CLIP2: variants seen among roughly 807,000 people sequenced by gnomAD.
CLIP2 encodes the protein CAP-Gly domain-containing linker protein 2.
A neutral mutation model predicts 111.7 loss-of-function variants in CLIP2; 41 were observed. The ratio of observed to expected loss-of-function variants is 0.37; its 90% confidence interval spans 0.29 to 0.48. CLIP2 has a LOEUF of 0.48. Ranked by LOEUF, CLIP2 falls within the 20% of genes least tolerant of loss-of-function variation. The pLI is 0.99. For missense variants in CLIP2, 1,160 were observed against 1,422.1 expected (o/e 0.82, Z 2.96); for synonymous variants, 660 against 644.2 (o/e 1.02, Z -0.37).
chr7:74,306,418 G>T (rs952946494), intron 1 of CLIP2, among the ~76,000 whole-genome samples: 1 of 152,126 alleles, frequency 6.6e-6, no homozygotes, highest in African/African-American at 2.4e-5. Context: ...CTGCCCCTCC[G>T]GGAGAGAGCC....
chr7:74,340,440 C>T (rs1789626934), intron 3 of CLIP2, among the ~76,000 whole-genome samples: 1 of 152,130 alleles, frequency 6.6e-6, no homozygotes, highest in Non-Finnish European at 1.5e-5. Context: ...TAACCCCTTG[C>T]CCAGGGCCAG....
chr7:74,366,953 T>TGCCG (rs1466736242), intron 8 of CLIP2, among the ~76,000 whole-genome samples: 1 of 151,646 alleles, frequency 6.6e-6, no homozygotes, highest in Non-Finnish European at 1.5e-5. Flanking sequence ...CCAGGAGGAT[T>TGCCG]GCCGGCAGCC....
At chr7:74,372,799 C>A (rs1358919491) in intron 8 of CLIP2, 133 bp from the exon 9 acceptor site, 13 of 655,570 alleles carry the variant, frequency 2.0e-5, no homozygotes, top group Non-Finnish European at 3.5e-5. Context: ...ACTCTCCTCG[C>A]CTTGTTCACG....
intron 8 of CLIP2, among the ~76,000 whole-genome samples, chr7:74,369,632 G>A (rs982716388): frequency 6.6e-6 from 1 of 151,876 alleles, no homozygotes; most frequent in Non-Finnish European, 1.5e-5. Flanking sequence ...CAAGGCCAGC[G>A]GATCATTCGA....
At chr7:74,386,992 C>T (rs1791126034) in intron 12 of CLIP2, among the ~76,000 whole-genome samples, 2 of 145,806 alleles carry the variant, frequency 1.4e-5, no homozygotes, top group South Asian at 4.4e-4. Flanking sequence ...CACTGCACTC[C>T]AGCCTGGGTG....
chr7:74,323,363 C>A (rs1256081945), intron 2 of CLIP2, among the ~76,000 whole-genome samples: 1 of 151,680 alleles, frequency 6.6e-6, no homozygotes. Flanking sequence ...CCTCCCACCT[C>A]AGCCTACCAA....
chr7:74,302,834 GC>G (rs1788375591), intron 1 of CLIP2, among the ~76,000 whole-genome samples: 1 of 152,188 alleles, frequency 6.6e-6, no homozygotes, highest in South Asian at 2.1e-4. Context: ...CTATCCCCAC[GC>G]TGGCTGTCAG....
rs1164044017 is a variant in CLIP2, at chr7:74,311,867, G to A, written c.-67-5613G>A. On this transcript the variant is annotated intron_variant, in intron 1 of 16. Coordinates refer to ENST00000223398, the MANE Select transcript of CLIP2 (RefSeq NM_003388.5). ...TTGGAGGCTGCAGTGAGCTATGATCGTGTCACTGCACTCCAGCCTGGGCGA... is the reference window on the plus strand; with the variant it reads ...TTGGAGGCTGCAGTGAGCTATGATCATGTCACTGCACTCCAGCCTGGGCGA... 1.7e-4 allele frequency among the ~76,000 whole-genome samples: 26 copies of A among 150,686 alleles called. 1 individual carries two copies. Among genetic ancestry groups the A allele is most frequent in the Middle Eastern group, 6.9e-3 (2 of 290 alleles).
At chr7:74,339,183 A>G (rs1789579688) in intron 3 of CLIP2, among the ~76,000 whole-genome samples, 179 bp downstream of exon 3, 2 of 152,202 alleles carry the variant, frequency 1.3e-5, no homozygotes, top group Non-Finnish European at 2.9e-5. Context: ...CAAGAGAGAC[A>G]GGTAATGTGG....
intron 2 of CLIP2, among the ~76,000 whole-genome samples, chr7:74,332,489 G>A (rs530595632): frequency 7.1e-6 from 1 of 140,868 alleles, no homozygotes; most frequent in Non-Finnish European, 1.5e-5. Flanking sequence ...TTAGAGATGG[G>A]GTCTTGCTAT....
In CLIP2 at chr7:74,356,427, C is replaced by T; in HGVS notation, c.821C>T (p.Pro274Leu). 1.2e-6 allele frequency: 2 copies of T among 1,614,198 alleles called. No homozygotes were observed. Among genetic ancestry groups the T allele is most frequent in the Non-Finnish European group, 1.7e-6 (2 of 1,180,044 alleles). ...VAGTRYFQCP[P>L]KFGLFAPIHK... ...TTCCACAGGTACTTCCAGTGCCCAC[C>T]CAAGTTTGGTCTCTTCGCGCCCATC... Residue 274 changes from proline (P) to leucine (L), a missense_variant, in exon 5 of 17, where the codon CCC becomes CTC. Physicochemically the swap from Pro to Leu is moderately conservative, Grantham distance 98. Around this residue, in one of 5 missense-constraint regions of CLIP2, gnomAD observed 110 missense variants for 185.2 expected, o/e 0.59. Coordinates refer to ENST00000223398, the MANE Select transcript of CLIP2 (RefSeq NM_003388.5).
intron 4 of CLIP2, 62 bp downstream of exon 4, chr7:74,354,066 G>T (rs1330755947): frequency 3.9e-6 from 6 of 1,541,182 alleles, no homozygotes; most frequent in Non-Finnish European, 4.4e-6. Flanking sequence ...TGGGCGCAGG[G>T]GATGGAGATG....
chr7:74,403,878 T>C lies in CLIP2; in HGVS notation c.*30T>C, dbSNP rs200041374. On this transcript the variant is annotated 3_prime_UTR_variant, in exon 17 of 17. Transcript: ENST00000223398. ...GAGGGGATACTGTGGAGCAGCCCAG[T>C]CCACACCAGAGCCCCACGCGGCTGC... The C allele has an allele frequency of 6.2e-6, 10 of 1,612,522 alleles. No homozygotes were observed. The Admixed American group carries it at 1.3e-4, about 22-fold the overall frequency.
Position 74,376,339 on chromosome 7 carries a change from C to A in CLIP2, c.1938C>A (p.Ile646=). The A allele has an allele frequency of 5.0e-6, 8 of 1,613,904 alleles. No individual in the cohort carries two copies. Among genetic ancestry groups the A allele is most frequent in the Non-Finnish European group, 6.8e-6 (8 of 1,180,020 alleles). Residue 646 remains isoleucine (I), a synonymous_variant, in exon 10 of 17, where the codon ATC becomes ATA. Transcript: ENST00000223398. The surrounding 1 kb of genome is among the most constrained non-coding windows in gnomAD (Gnocchi z 7.1). ...GCCCAGGCGCCCAGCAGAAGGAGAT[C>A]GGCGAGCTGAAGGCAGTGATGGAGG... ...NSGPGAQQKE[I]GELKAVMEGI...
chr7:74,385,153 G>T (rs986581882), intron 11 of CLIP2, among the ~76,000 whole-genome samples: 1 of 150,728 alleles, frequency 6.6e-6, no homozygotes, highest in African/African-American at 2.4e-5. Flanking sequence ...AAGTTAGCCG[G>T]GTGTGGTGAT....
At chr7:74,324,817 A>AG (rs1182611704) in intron 2 of CLIP2, among the ~76,000 whole-genome samples, 1 of 76,616 alleles carries the variant, frequency 1.3e-5, no homozygotes, top group African/African-American at 3.6e-5. Flanking sequence ...CAAGATCTTG[A>AG]GAAAAAAAAA....
chr7:74,340,746 A>T (rs1789635322), intron 3 of CLIP2, among the ~76,000 whole-genome samples: 1 of 151,824 alleles, frequency 6.6e-6, no homozygotes, highest in African/African-American at 2.4e-5. Flanking sequence ...TTGGGAAGAG[A>T]CTCATAGGGT....
chr7:74,356,320 C>T (rs1554308444), intron 4 of CLIP2, 90 bp from the exon 5 acceptor site: 3 of 1,075,114 alleles, frequency 2.8e-6, no homozygotes, highest in Non-Finnish European at 4.3e-6. Flanking sequence ...TTCTCTCTTT[C>T]TGCCAGGCTC....
chr7:74,375,907 G>A lies in CLIP2; in HGVS notation c.1506G>A (p.Lys502=), dbSNP rs1554312682. ...CACAGCTGACCACAGTGGCCGAGAA[G>A]TCGCGCGTGCTGCAGCTGGAGGAGG... The part of the protein sequence containing the change: ...ADNRLTTVAE[K]SRVLQLEEEL... The change falls in exon 10 of 17, where the codon AAG becomes AAA. Residue 502 remains lysine (K), a synonymous_variant. Coordinates refer to ENST00000223398, the MANE Select transcript of CLIP2 (RefSeq NM_003388.5). 1 of 1,571,656 alleles carries A rather than the reference G, an allele frequency of 6.4e-7. No homozygotes were observed. The highest frequency in any genetic ancestry group is 8.6e-7 in the Non-Finnish European group (1 of 1,160,412).
Sources: allele counts gnomAD v4.1 joint callset (sites outside exome capture counted in the v4.1 genomes callset), GRCh38; gene constraint gnomAD v4.1.1; regional missense constraint gnomAD v4.1.1; non-coding constraint Gnocchi (gnomAD v3.1); transcripts MANE v1.5; gene names NCBI Gene and HGNC (gene_info 2026-07-23, HGNC 2026-07-21).